Variants in RCOR1 observed in about 807,000 individuals in gnomAD.
The protein encoded by RCOR1 is REST corepressor.
Under a neutral mutation model 64.0 loss-of-function variants are expected in RCOR1, and 12 were observed. The observed-to-expected ratio is 0.19, with a 90% CI of 0.12 to 0.30. RCOR1 has a LOEUF of 0.30. RCOR1 is among the 10% of genes least tolerant of loss of function. The pLI is 1.00. For synonymous variants in RCOR1, 279 were observed against 227.2 expected (o/e 1.23, Z -2.05); for missense variants, 502 against 621.2 (o/e 0.81, Z 2.04).
intron 2 of RCOR1, among the ~76,000 whole-genome samples, chr14:102,666,008 G>T (rs1894910784): frequency 6.6e-6 from 1 of 152,190 alleles, no homozygotes; most frequent in South Asian, 2.1e-4. Context: ...TAGAGAAGGT[G>T]TCCCCAGTGT....
chr14:102,704,595 C>G (rs1468354463), intron 4 of RCOR1, among the ~76,000 whole-genome samples: 1 of 152,162 alleles, frequency 6.6e-6, no homozygotes, highest in Non-Finnish European at 1.5e-5. Flanking sequence ...CCATGCCCGG[C>G]TAATTTTTGT....
Position 102,623,451 on chromosome 14 carries a change from C to T in RCOR1, c.361+30126C>T, listed in dbSNP as rs1369373103. ...TGAGACGGAGTCTCGCTCTGTCGCC[C>T]AGGCTGGAGTGCAATGGCGCGATCT... On this transcript the variant is annotated intron_variant, in intron 2 of 11. Transcript: ENST00000262241. Among the ~76,000 whole-genome samples the T allele has an allele frequency of 7.8e-4, 118 of 151,114 alleles. 1 individual carries two copies. Among genetic ancestry groups the T allele is most frequent in the Non-Finnish European group, 2.9e-5 (2 of 67,866 alleles).
chr14:102,613,251 G>A (rs181957592), intron 2 of RCOR1, among the ~76,000 whole-genome samples: 1,554 of 151,604 alleles, frequency 0.01, 16 homozygotes, highest in Admixed American at 0.015. Flanking sequence ...ACAGGCGTGC[G>A]CCACCACGCC....
At chr14:102,628,345 A>G (rs1894024367) in intron 2 of RCOR1, among the ~76,000 whole-genome samples, 1 of 152,192 alleles carries the variant, frequency 6.6e-6, no homozygotes, top group African/African-American at 2.4e-5. Flanking sequence ...GTTGATGCAT[A>G]AAATTAACCA....
chr14:102,653,675 T>G (rs927506666), intron 2 of RCOR1, among the ~76,000 whole-genome samples: 49 of 152,126 alleles, frequency 3.2e-4, no homozygotes, highest in African/African-American at 1.1e-3. Context: ...TGATAGTGAG[T>G]GAGCTCTCGG....
intron 3 of RCOR1, chr14:102,695,304 T>G (rs1895621214): frequency 6.6e-6 from 1 of 152,254 alleles, no homozygotes; most frequent in African/African-American, 2.4e-5. Flanking sequence ...TTGATTAGCC[T>G]TGGTTCCCTG....
chr14:102,593,788 C>A (rs1893186725), intron 2 of RCOR1, among the ~76,000 whole-genome samples: 3 of 152,200 alleles, frequency 2.0e-5, no homozygotes, highest in Non-Finnish European at 4.4e-5. Flanking sequence ...TCCTCTCAGC[C>A]TCTGGGCTCT....
chr14:102,672,670 T>G (rs1335719997), intron 2 of RCOR1, among the ~76,000 whole-genome samples: 1 of 152,150 alleles, frequency 6.6e-6, no homozygotes, highest in Non-Finnish European at 1.5e-5. Flanking sequence ...GCTCAACCTC[T>G]TTATTCAGGG....
At position 102,714,509 on chromosome 14, in the gene RCOR1, A is replaced by G; in HGVS notation, c.945A>G (p.Lys315=). 6.2e-7 allele frequency: 1 copy of G among 1,614,092 alleles called. No homozygotes were observed. Among genetic ancestry groups the G allele is most frequent in the Non-Finnish European group, 8.5e-7 (1 of 1,179,918 alleles). The part of the protein sequence containing the change: ...AKNRAKRKPP[K]GMFLSQEDVE... ...ATAGAGCAAAAAGGAAACCTCCAAA[A>G]GGAATGTTTCTTTCTCAAGAAGATG... Residue 315 remains lysine, a synonymous_variant, in exon 8 of 12, where the codon AAA becomes AAG. Coordinates refer to ENST00000262241, the MANE Select transcript of RCOR1 (RefSeq NM_015156.4).
At chr14:102,709,904 C>T (rs1044700897) in intron 6 of RCOR1, among the ~76,000 whole-genome samples, 1 of 152,284 alleles carries the variant, frequency 6.6e-6, no homozygotes. Flanking sequence ...CATTCTTACT[C>T]CCTGGAGGCT....
chr14:102,709,228 A>T (rs929109354), intron 6 of RCOR1, among the ~76,000 whole-genome samples: 2 of 152,126 alleles, frequency 1.3e-5, no homozygotes, highest in Admixed American at 6.5e-5. Context: ...TTTATTTTTT[A>T]AAATGTGTAA....
intron 3 of RCOR1, among the ~76,000 whole-genome samples, chr14:102,691,302 G>A (rs191157859): frequency 2.0e-5 from 3 of 147,746 alleles, no homozygotes; most frequent in African/African-American, 5.1e-5. Flanking sequence ...TAAGACACTG[G>A]GGACTACCTA....
intron 5 of RCOR1, among the ~76,000 whole-genome samples, chr14:102,707,875 G>A (rs1195328221): frequency 6.6e-6 from 1 of 151,764 alleles, no homozygotes; most frequent in Non-Finnish European, 1.5e-5. Context: ...TGCAACCTCC[G>A]CCTCCCGGGT....
At chr14:102,709,796 T>A (rs758945008) in intron 6 of RCOR1, among the ~76,000 whole-genome samples, 4 of 152,244 alleles carry the variant, frequency 2.6e-5, no homozygotes, top group African/African-American at 9.6e-5. Flanking sequence ...TCTGTTACTA[T>A]AAGCAGATGC....
In RCOR1 at chr14:102,623,387, A is replaced by ATTATTTATTTAT. The variant is rs376556197; in HGVS notation, c.361+30089_361+30100dup. On this transcript the variant is annotated intron_variant, in intron 2 of 11. Transcript: ENST00000262241. Reference sequence around the variant, plus strand: ...AACAATTTACTTCCTTTATTTATTTATTATTTATTTATTTATTTATTTATT... The same window carrying ATTATTTATTTAT: ...AACAATTTACTTCCTTTATTTATTTATTATTTATTTATTTATTTATTTATTTATTTATTTATT... 6.1e-3 allele frequency among the ~76,000 whole-genome samples: 763 copies of ATTATTTATTTAT among 124,828 alleles called. 8 individuals are homozygous for ATTATTTATTTAT. The highest frequency in any genetic ancestry group is 0.023 in the African/African-American group (700 of 30,948). The allele number at this position is 124,828 out of a possible 152,430, so 81.9% of individuals were successfully genotyped here.
chr14:102,729,908 G>A lies in RCOR1; in HGVS notation c.*3402G>A. 2.5e-6 allele frequency: 1 copy of A among 398,926 alleles called. No individual in the cohort carries two copies. The highest frequency in any genetic ancestry group is 3.6e-5 in the East Asian group (1 of 28,094). The allele number at this position is 398,926 out of a possible 1,614,324, so 24.7% of individuals were successfully genotyped here. ...CTAAACCGAATGATCCAGGATTCAA[G>A]CTTCTATTGTCAAGTGAAACTTTCC... On this transcript the variant is annotated 3_prime_UTR_variant, in exon 12 of 12. Coordinates refer to ENST00000262241, the MANE Select transcript of RCOR1 (RefSeq NM_015156.4).
intron 2 of RCOR1, chr14:102,662,499 G>C (rs1451826500): frequency 1.9e-6 from 1 of 525,196 alleles, no homozygotes; most frequent in African/African-American, 1.9e-5. Flanking sequence ...TGGTGGTCAA[G>C]CTTGTTTCTC....
chr14:102,712,307 C>T (rs957076915), intron 7 of RCOR1, among the ~76,000 whole-genome samples: 1 of 151,824 alleles, frequency 6.6e-6, no homozygotes, highest in Non-Finnish European at 1.5e-5. Context: ...CTCAGCCTAC[C>T]GAGTAGCTGG....
At chr14:102,604,688 TAG>T (rs2139883445) in intron 2 of RCOR1, among the ~76,000 whole-genome samples, 1 of 152,260 alleles carries the variant, frequency 6.6e-6, no homozygotes, top group Admixed American at 6.5e-5. Flanking sequence ...ATCAACAAGA[TAG>T]ACTGTTAATT....
Sources: allele counts gnomAD v4.1 joint callset (sites outside exome capture counted in the v4.1 genomes callset), GRCh38; gene constraint gnomAD v4.1.1; transcripts MANE v1.5; gene names NCBI Gene and HGNC (gene_info 2026-07-23, HGNC 2026-07-21).